SLC24A2: variants seen among roughly 807,000 people sequenced by gnomAD.
SLC24A2 encodes solute carrier family 24 member 2, also known as sodium/potassium/calcium exchanger 2.
Under a neutral mutation model 62.0 loss-of-function variants are expected in SLC24A2, and 36 were observed. The observed-to-expected ratio is 0.58, with a 90% confidence interval of 0.44 to 0.77. The LOEUF is 0.77. Among genes scored for constraint, SLC24A2 ranks in the 30% least tolerant of loss-of-function variants. The pLI, the probability that SLC24A2 is intolerant of heterozygous loss-of-function variation, is 0.00. For missense variants in SLC24A2, 846 were observed against 817.9 expected (o/e 1.03, Z -0.42); for synonymous variants, 358 against 294.0 (o/e 1.22, Z -2.23).
At chr9:20,065,461 A>G in the SLC24A2 span, among the ~76,000 whole-genome samples, 27 of 152,284 alleles carry the variant, frequency 1.8e-4, no homozygotes, top group African/African-American at 6.0e-4. Context: ...AGGAATGGAG[A>G]GAGAAAGGGG....
intron 2 of SLC24A2, among the ~76,000 whole-genome samples, chr9:19,746,359 C>A (rs966282724): frequency 6.6e-6 from 1 of 152,036 alleles, no homozygotes; most frequent in African/African-American, 2.4e-5. Flanking sequence ...TTTATTATAG[C>A]CATGACATAC....
the SLC24A2 span, among the ~76,000 whole-genome samples, chr9:20,037,238 C>A: frequency 6.6e-6 from 1 of 152,058 alleles, no homozygotes; most frequent in Non-Finnish European, 1.5e-5. Context: ...ACGCCCAACA[C>A]AATGTAAAGA....
the SLC24A2 span, among the ~76,000 whole-genome samples, chr9:20,205,649 TAAAAAAAAAAAA>T: frequency 1.5e-5 from 1 of 65,306 alleles, no homozygotes; most frequent in Non-Finnish European, 2.7e-5. Flanking sequence ...AGACTCCATC[TAAAAAAAAAAAA>T]AAAAAAAAAA....
chr9:19,798,718 A>G, the SLC24A2 span, among the ~76,000 whole-genome samples: 7 of 152,052 alleles, frequency 4.6e-5, no homozygotes, highest in South Asian at 4.1e-4. Context: ...CACTTGCTTT[A>G]TCTGCTCATA....
the SLC24A2 span, among the ~76,000 whole-genome samples, chr9:20,210,896 A>G: frequency 2.0e-5 from 3 of 151,876 alleles, no homozygotes; most frequent in African/African-American, 7.3e-5. Context: ...TGTGATTATC[A>G]TCACAATCCC....
At chr9:19,991,852 G>C in the SLC24A2 span, among the ~76,000 whole-genome samples, 2 of 152,168 alleles carry the variant, frequency 1.3e-5, no homozygotes, top group Non-Finnish European at 2.9e-5. Flanking sequence ...AAATAGACAT[G>C]AGCAAGACTT....
chr9:19,957,119 G>T, the SLC24A2 span, among the ~76,000 whole-genome samples: 1 of 152,162 alleles, frequency 6.6e-6, no homozygotes, highest in African/African-American at 2.4e-5. Flanking sequence ...TAGAGTAAAT[G>T]ATACGAAATA....
the SLC24A2 span, among the ~76,000 whole-genome samples, chr9:19,899,628 C>A: frequency 2.1e-4 from 32 of 152,296 alleles, no homozygotes; most frequent in Non-Finnish European, 3.1e-4. Flanking sequence ...AGTATTAGTT[C>A]ATTCTCATGC....
chr9:20,131,090 A>G, the SLC24A2 span, among the ~76,000 whole-genome samples: 8 of 151,276 alleles, frequency 5.3e-5, no homozygotes, highest in African/African-American at 7.4e-5. Context: ...CCAGATCCAG[A>G]AACTTCCTGT....
the SLC24A2 span, among the ~76,000 whole-genome samples, chr9:20,184,348 G>C: frequency 2.0e-5 from 3 of 152,084 alleles, no homozygotes; most frequent in Admixed American, 2.0e-4. Flanking sequence ...CAAGAGAAAC[G>C]AGACCATCCT....
chr9:20,078,555 G>C, the SLC24A2 span, among the ~76,000 whole-genome samples: 1 of 152,114 alleles, frequency 6.6e-6, no homozygotes, highest in Non-Finnish European at 1.5e-5. Context: ...AATAACTGTA[G>C]CTGTGTGAAA....
chr9:19,821,653 T>C, the SLC24A2 span, among the ~76,000 whole-genome samples: 1 of 152,112 alleles, frequency 6.6e-6, no homozygotes, highest in South Asian at 2.1e-4. Flanking sequence ...ATTTCTTAGA[T>C]CAGAATTTTT....
intron 9 of SLC24A2, among the ~76,000 whole-genome samples, chr9:19,526,180 G>A: frequency 6.6e-6 from 1 of 152,098 alleles, no homozygotes; most frequent in Admixed American, 6.5e-5. Flanking sequence ...GCATGTATTG[G>A]TACTTCATTT....
In SLC24A2 at chr9:19,622,349, A is replaced by G. The variant is rs774010969; in HGVS notation, c.931-50T>C. On this transcript the variant is annotated intron_variant, in intron 2 of 10. Transcript: ENST00000341998. ...CAAAAGACAAAGAAATAAATAAATG[A>G]AGAATCACATATGGCATTTACATTT... The G allele has an allele frequency of 9.8e-6, 15 of 1,536,758 alleles. No homozygotes were observed. The South Asian group carries it at 1.1e-4, about 12-fold the overall frequency.
chr9:20,226,168 G>A, the SLC24A2 span, among the ~76,000 whole-genome samples: 8 of 152,178 alleles, frequency 5.3e-5, no homozygotes, highest in Admixed American at 2.6e-4. Flanking sequence ...AATATGCAAG[G>A]AAATTGAGGA....
the SLC24A2 span, among the ~76,000 whole-genome samples, chr9:19,933,444 C>G: frequency 6.6e-6 from 1 of 152,282 alleles, no homozygotes; most frequent in Admixed American, 6.5e-5. Flanking sequence ...AGCTCATAAT[C>G]TCATTTATTT....
the SLC24A2 span, among the ~76,000 whole-genome samples, chr9:20,147,817 C>T: frequency 6.6e-6 from 1 of 152,048 alleles, no homozygotes; most frequent in Non-Finnish European, 1.5e-5. Context: ...TAATCTCTTC[C>T]AAGGCTTGAC....
the SLC24A2 span, among the ~76,000 whole-genome samples, chr9:20,268,511 G>A: frequency 1.3e-5 from 2 of 152,144 alleles, no homozygotes; most frequent in African/African-American, 4.8e-5. Flanking sequence ...AGAAGAGGAA[G>A]AGAGATCTGA....
intron 2 of SLC24A2, among the ~76,000 whole-genome samples, chr9:19,637,329 T>G (rs1394192053): frequency 1.3e-5 from 2 of 152,252 alleles, no homozygotes; most frequent in Admixed American, 1.3e-4. Context: ...AGGTCTGCCC[T>G]GGGCATCAGG....
Sources: gnomAD v4.1 joint callset for allele counts (sites outside exome capture counted in the v4.1 genomes callset) on GRCh38, gnomAD v4.1.1 for gene constraint, MANE v1.5 for transcripts, NCBI Gene and HGNC (gene_info 2026-07-23, HGNC 2026-07-21) for gene names.